AGTPBP1: variants seen among roughly 807,000 people sequenced by gnomAD.
AGTPBP1 encodes cytosolic carboxypeptidase 1.
AGTPBP1 carries 70 observed loss-of-function variants against 143.9 expected under a neutral mutation model. The ratio of observed to expected loss-of-function variants is 0.49; its 90% CI spans 0.40 to 0.59. The LOEUF is 0.59. Ranked by LOEUF, AGTPBP1 falls within the 20% of genes least tolerant of loss-of-function variation. The pLI is 0.00. For missense variants in AGTPBP1, 1,229 were observed against 1,464.5 expected (o/e 0.84, Z 2.62); for synonymous variants, 463 against 500.2 (o/e 0.93, Z 0.99).
Position 85,557,974 on chromosome 9 carries a change from A to G in AGTPBP1, c.3504-10688T>C, listed in dbSNP as rs17349799. 3.6e-3 allele frequency among the ~76,000 whole-genome samples: 553 copies of G among 152,354 alleles called. 3 individuals carry two copies. The highest frequency in any genetic ancestry group is 3.8e-3 in the Non-Finnish European group (256 of 68,028). Reference sequence around the variant, plus strand: ...GATGGTAACTGGTCCACAGACTCATAGTGTTCCCTATACCTTATTCGAAAA... The same window carrying G: ...GATGGTAACTGGTCCACAGACTCATGGTGTTCCCTATACCTTATTCGAAAA... On this transcript the variant is annotated intron_variant, in intron 25 of 25. Transcript: ENST00000357081.
intron 8 of AGTPBP1, among the ~76,000 whole-genome samples, chr9:85,665,154 C>T (rs1481818115): frequency 6.6e-6 from 1 of 152,140 alleles, no homozygotes; most frequent in Non-Finnish European, 1.5e-5. Flanking sequence ...ATGGTCATTG[C>T]AGATGTAACT....
intron 3 of AGTPBP1, among the ~76,000 whole-genome samples, chr9:85,685,181 T>C (rs542404639): frequency 3.3e-5 from 5 of 150,514 alleles, no homozygotes; most frequent in Admixed American, 6.6e-5. Context: ...ACAAGACAAA[T>C]AGGGAAAATA....
rs1224001592 is a variant in AGTPBP1 at position 85,646,373 on chromosome 9, A to T, written c.1133T>A (p.Val378Glu). ...ATTCTCAGTTTCGTTTTCAGCTTCT[A>T]CATCAATATCATCGTTGTCATCACT... ...DESDDNDDID[V>E]EAENETENED... Residue 378 changes from valine (V) to glutamate (E), a missense_variant, in exon 12 of 26, where the codon GTA becomes GAA. Physicochemically the swap from Val to Glu is moderately radical, Grantham distance 121. This residue lies in a region of AGTPBP1 where 743 missense variants were observed against 812.2 expected (regional missense o/e 0.91). Transcript: ENST00000357081. The T allele has an allele frequency of 1.9e-6, 3 of 1,613,210 alleles. No homozygotes were observed. Among genetic ancestry groups the T allele is most frequent in the Non-Finnish European group, 2.5e-6 (3 of 1,179,800 alleles).
chr9:85,744,308 A>T (rs1372446056), upstream of AGTPBP1, among the ~76,000 whole-genome samples: 1 of 152,098 alleles, frequency 6.6e-6, no homozygotes, highest in Non-Finnish European at 1.5e-5. Flanking sequence ...TAGTTTTGGA[A>T]CTCACTCACT....
At chr9:85,572,076 G>A (rs1827537651) in intron 25 of AGTPBP1, among the ~76,000 whole-genome samples, 1 of 136,092 alleles carries the variant, frequency 7.3e-6, no homozygotes, top group South Asian at 2.4e-4. Flanking sequence ...ACCCAGGATG[G>A]AGTGTAGTGG....
At chr9:85,772,860 C>G in the AGTPBP1 span, among the ~76,000 whole-genome samples, 1 of 152,192 alleles carries the variant, frequency 6.6e-6, no homozygotes, top group Non-Finnish European at 1.5e-5. Flanking sequence ...TTTACCCTCT[C>G]ACTATCCACT....
At chr9:85,574,950 C>G (rs1191587094) in intron 25 of AGTPBP1, among the ~76,000 whole-genome samples, 2 of 152,114 alleles carry the variant, frequency 1.3e-5, no homozygotes, top group Non-Finnish European at 2.9e-5. Context: ...CTCAGGTGAT[C>G]CACCTGCCTC....
intron 14 of AGTPBP1, among the ~76,000 whole-genome samples, chr9:85,621,676 A>G (rs1201151587): frequency 2.0e-5 from 3 of 152,184 alleles, no homozygotes; most frequent in Non-Finnish European, 2.9e-5. Context: ...CAGAGATTAT[A>G]TAAGAATAAT....
intron 25 of AGTPBP1, among the ~76,000 whole-genome samples, chr9:85,558,267 G>A (rs1826477767): frequency 6.6e-6 from 1 of 152,132 alleles, no homozygotes; most frequent in Non-Finnish European, 1.5e-5. Flanking sequence ...CCATTTCTAT[G>A]AAATATCCAG....
intron 1 of AGTPBP1, among the ~76,000 whole-genome samples, chr9:85,727,202 C>T (rs1046693918): frequency 2.0e-5 from 3 of 152,166 alleles, no homozygotes; most frequent in Admixed American, 2.0e-4. Context: ...TGGCACGCAC[C>T]TGTAATCCCA....
At chr9:85,569,122 C>A (rs1827295061) in intron 25 of AGTPBP1, among the ~76,000 whole-genome samples, 1 of 152,116 alleles carries the variant, frequency 6.6e-6, no homozygotes, top group Non-Finnish European at 1.5e-5. Flanking sequence ...GAACACACCA[C>A]CCCTGTTTCC....
chr9:85,765,523 T>A, the AGTPBP1 span, among the ~76,000 whole-genome samples: 44 of 152,284 alleles, frequency 2.9e-4, no homozygotes, highest in Admixed American at 1.6e-3. Flanking sequence ...TATAGTTTTT[T>A]AAAACTATGT....
Position 85,741,820 on chromosome 9 carries a change from C to A in AGTPBP1, c.-79G>T. 1 of 1,393,418 alleles carries A rather than the reference C, an allele frequency of 7.2e-7. No homozygotes were observed. Among genetic ancestry groups the A allele is most frequent in the Non-Finnish European group, 9.3e-7 (1 of 1,075,266 alleles). 86.3% of individuals were successfully genotyped at this position (1,393,418 alleles called of 1,614,324 possible). On this transcript the variant is annotated 5_prime_UTR_variant, in exon 1 of 26. Coordinates refer to ENST00000357081, the MANE Select transcript of AGTPBP1 (RefSeq NM_001330701.2). ...GCGGGGACCGCGCAGAGCCGCAGCACCCGGCTCAGCACCTGGATCACGGCG... is the reference window on the plus strand; with the variant it reads ...GCGGGGACCGCGCAGAGCCGCAGCAACCGGCTCAGCACCTGGATCACGGCG...
chr9:85,675,616 C>T (rs1834776970), intron 6 of AGTPBP1, among the ~76,000 whole-genome samples: 1 of 152,186 alleles, frequency 6.6e-6, no homozygotes, highest in African/African-American at 2.4e-5. Flanking sequence ...TGAGAGGGCA[C>T]ACACACACTC....
chr9:85,737,738 G>A (rs1823899383), intron 1 of AGTPBP1, among the ~76,000 whole-genome samples: 1 of 152,152 alleles, frequency 6.6e-6, no homozygotes, highest in African/African-American at 2.4e-5. Context: ...ACTAGAGCAT[G>A]CAAAAATCCA....
intron 11 of AGTPBP1, among the ~76,000 whole-genome samples, chr9:85,651,233 T>C (rs1312882629): frequency 6.6e-6 from 1 of 152,162 alleles, no homozygotes; most frequent in Non-Finnish European, 1.5e-5. Flanking sequence ...TTTATATCAA[T>C]TTTCAAAGTG....
rs765145161 is a variant in AGTPBP1 at position 85,547,158 on chromosome 9, T to G, written c.3632A>C (p.Gln1211Pro). 1 of 1,613,252 alleles carries G rather than the reference T, an allele frequency of 6.2e-7. No individual in the cohort carries two copies. Among genetic ancestry groups the G allele is most frequent in the Non-Finnish European group, 8.5e-7 (1 of 1,179,720 alleles). Residue 1211 changes from glutamine to proline, a missense_variant, in exon 26 of 26, where the codon CAA (glutamine) becomes CCA (proline). Gln to Pro is a moderately conservative substitution (Grantham distance 76). Coordinates refer to ENST00000357081, the MANE Select transcript of AGTPBP1 (RefSeq NM_001330701.2). ...ENVGDYEPSA[Q>P]EEVLSDSELS... ...TTCAGAGTCAGAAAGTACTTCTTCT[T>G]GAGCAGAAGGTTCATAATCTCCTAC... is the stretch of plus-strand genomic sequence containing the variant.
the AGTPBP1 span, among the ~76,000 whole-genome samples, chr9:85,761,293 C>T: frequency 6.6e-6 from 1 of 152,156 alleles, no homozygotes; most frequent in East Asian, 1.9e-4. Context: ...CATGTGGAAC[C>T]AAGAAAGAGC....
chr9:85,751,611 A>G, the AGTPBP1 span, among the ~76,000 whole-genome samples: 1 of 151,802 alleles, frequency 6.6e-6, no homozygotes, highest in African/African-American at 2.4e-5. Flanking sequence ...TGAACATTGC[A>G]CCTTTTGTTT....
Sources: gnomAD v4.1 joint callset for allele counts (sites outside exome capture counted in the v4.1 genomes callset) on GRCh38, gnomAD v4.1.1 for gene constraint, gnomAD v4.1.1 regional missense constraint, MANE v1.5 for transcripts, NCBI Gene and HGNC (gene_info 2026-07-23, HGNC 2026-07-21) for gene names.